NYAP2: variants seen among roughly 807,000 people sequenced by gnomAD.
NYAP2 encodes neuronal tyrosine-phosphorylated phosphoinositide-3-kinase adapter 2.
A neutral mutation model predicts 50.4 loss-of-function variants in NYAP2; 23 were observed. That is an observed-to-expected ratio of 0.46 (90% CI 0.33 to 0.65). The LOEUF is 0.65. NYAP2 is among the 30% of genes least tolerant of loss of function. The pLI, the probability that NYAP2 is intolerant of heterozygous loss-of-function variation, is 0.02. For synonymous variants in NYAP2, 394 were observed against 365.2 expected (o/e 1.08, Z -0.90); for missense variants, 885 against 861.0 (o/e 1.03, Z -0.35).
At chr2:225,559,468 C>T (rs112542434) in intron 4 of NYAP2, among the ~76,000 whole-genome samples, 5 of 152,052 alleles carry the variant, frequency 3.3e-5, no homozygotes, top group African/African-American at 7.2e-5. Context: ...AAGTGGCTTA[C>T]TGGATATTGG....
chr2:225,663,325 C>T, the NYAP2 span, among the ~76,000 whole-genome samples: 1,736 of 152,284 alleles, frequency 0.011, 14 homozygotes, highest in Middle Eastern at 0.027. Context: ...ACCCTCTGTT[C>T]CCAGATCCAT....
chr2:225,615,312 C>T (rs1473965412), intron 5 of NYAP2, among the ~76,000 whole-genome samples: 1 of 152,132 alleles, frequency 6.6e-6, no homozygotes, highest in Non-Finnish European at 1.5e-5. Flanking sequence ...CCCTGCAATA[C>T]TAGAATTTCT....
chr2:225,701,761 C>T, the NYAP2 span: 1 of 151,726 alleles, frequency 6.6e-6, no homozygotes, highest in South Asian at 2.1e-4. Context: ...TATTCAAATA[C>T]ATGCCAATTG....
intron 3 of NYAP2, among the ~76,000 whole-genome samples, chr2:225,451,572 T>C (rs1689653284): frequency 6.6e-6 from 1 of 152,272 alleles, no homozygotes; most frequent in South Asian, 2.1e-4. Context: ...ATTACTGTGA[T>C]TGTAATTTAG....
At position 225,651,550 on chromosome 2, in the gene NYAP2, A is replaced by G; in HGVS notation, c.1947A>G (p.Leu649=). The G allele has an allele frequency of 1.2e-6, 2 of 1,613,914 alleles. No homozygotes were observed. Among genetic ancestry groups the G allele is most frequent in the Admixed American group, 3.3e-5 (2 of 60,006 alleles). The change falls in exon 7 of 7, where the codon TTA becomes TTG. Residue 649 remains leucine, a synonymous_variant. Transcript: ENST00000636099. The stretch of plus-strand genomic sequence containing the variant: ...AACAGAGCCAGGTACCATCATCGTT[A>G]GCCAATCGTGATTGACTTCCTGTGA...
chr2:225,643,252 A>AAAG (rs1162543085), intron 6 of NYAP2, among the ~76,000 whole-genome samples: 2 of 151,960 alleles, frequency 1.3e-5, no homozygotes, highest in Non-Finnish European at 2.9e-5. Flanking sequence ...TTTGCCATAG[A>AAAG]GATTTTTCCA....
chr2:225,594,774 G>T (rs911393798), intron 5 of NYAP2, among the ~76,000 whole-genome samples: 1 of 152,160 alleles, frequency 6.6e-6, no homozygotes, highest in Admixed American at 6.5e-5. Flanking sequence ...CTGTAGTGGT[G>T]CATGGTATTT....
At chr2:225,508,145 T>C (rs1183651365) in intron 3 of NYAP2, among the ~76,000 whole-genome samples, 1 of 152,256 alleles carries the variant, frequency 6.6e-6, no homozygotes, top group African/African-American at 2.4e-5. Flanking sequence ...AAAAGCATAC[T>C]TGTTTAAATT....
intron 4 of NYAP2, among the ~76,000 whole-genome samples, chr2:225,531,503 C>T (rs937571386): frequency 8.5e-5 from 13 of 152,180 alleles, no homozygotes; most frequent in African/African-American, 1.4e-4. Flanking sequence ...ACCTTAGAGA[C>T]ATGGACCTTG....
At chr2:225,683,802 C>G in the NYAP2 span, among the ~76,000 whole-genome samples, 2 of 152,078 alleles carry the variant, frequency 1.3e-5, no homozygotes, top group Admixed American at 6.6e-5. Context: ...GAACTCTTGG[C>G]TTGGTAGGTC....
intron 3 of NYAP2, among the ~76,000 whole-genome samples, chr2:225,495,402 G>C (rs1690486280): frequency 6.6e-6 from 1 of 152,138 alleles, no homozygotes; most frequent in Non-Finnish European, 1.5e-5. Context: ...GAAATGGAAA[G>C]AATATGTTCT....
chr2:225,491,006 G>A (rs979358718), intron 3 of NYAP2, among the ~76,000 whole-genome samples: 1 of 152,138 alleles, frequency 6.6e-6, no homozygotes, highest in Non-Finnish European at 1.5e-5. Context: ...TCTAAGCACT[G>A]CCCTAGATGA....
At chr2:225,416,644 G>T (rs1425619596) in intron 3 of NYAP2, among the ~76,000 whole-genome samples, 2 of 152,076 alleles carry the variant, frequency 1.3e-5, no homozygotes, top group Non-Finnish European at 2.9e-5. Context: ...TTCCTTTAAA[G>T]GTGCCTGTTA....
chr2:225,453,275 T>C (rs1262251376), intron 3 of NYAP2, among the ~76,000 whole-genome samples: 1 of 152,216 alleles, frequency 6.6e-6, no homozygotes, highest in African/African-American at 2.4e-5. Context: ...ACAGCTAATA[T>C]AAATGTTTAT....
At chr2:225,580,747 G>T (rs1454382606) in intron 4 of NYAP2, among the ~76,000 whole-genome samples, 2 of 150,810 alleles carry the variant, frequency 1.3e-5, no homozygotes, top group African/African-American at 2.4e-5. Flanking sequence ...TAAAACTCTT[G>T]TATATAAATT....
intron 3 of NYAP2, among the ~76,000 whole-genome samples, chr2:225,508,509 G>A (rs80216471): frequency 2.4e-3 from 362 of 152,324 alleles, no homozygotes; most frequent in African/African-American, 8.6e-3. Context: ...AGAGTTAGAA[G>A]TCTGGGAGGT....
At chr2:225,451,506 T>C (rs1689650818) in intron 3 of NYAP2, among the ~76,000 whole-genome samples, 1 of 152,184 alleles carries the variant, frequency 6.6e-6, no homozygotes, top group Non-Finnish European at 1.5e-5. Context: ...TATATATATA[T>C]ATCAGGATGA....
chr2:225,503,191 T>C (rs1690636417), intron 3 of NYAP2, among the ~76,000 whole-genome samples: 1 of 152,236 alleles, frequency 6.6e-6, no homozygotes, highest in African/African-American at 2.4e-5. Flanking sequence ...ATGTCAGTTT[T>C]GAAGACACAA....
intron 3 of NYAP2, among the ~76,000 whole-genome samples, chr2:225,455,138 C>T (rs1195273293): frequency 3.9e-5 from 6 of 152,048 alleles, no homozygotes; most frequent in Non-Finnish European, 5.9e-5. Flanking sequence ...CCACATTATC[C>T]CCCAGAGTCT....
Sources: allele counts gnomAD v4.1 joint callset (sites outside exome capture counted in the v4.1 genomes callset), GRCh38; gene constraint gnomAD v4.1.1; transcripts MANE v1.5; gene names NCBI Gene and HGNC (gene_info 2026-07-23, HGNC 2026-07-21).